TOP1MT: variants seen among roughly 807,000 people sequenced by gnomAD.
TOP1MT encodes DNA topoisomerase I mitochondrial, also known as DNA topoisomerase I, mitochondrial.
TOP1MT carries 80 observed loss-of-function variants against 73.9 expected under a neutral mutation model. The observed-to-expected ratio is 1.08, with a 90% CI of 0.90 to 1.30. TOP1MT has a LOEUF of 1.30. Among genes scored for constraint, TOP1MT ranks in the 50% most tolerant of loss-of-function variants. The pLI, the probability that TOP1MT is intolerant of heterozygous loss-of-function variation, is 0.00. For missense variants in TOP1MT, 815 were observed against 808.0 expected (o/e 1.01, Z -0.10); for synonymous variants, 338 against 326.4 (o/e 1.04, Z -0.38).
intron 1 of TOP1MT, among the ~76,000 whole-genome samples, chr8:143,354,572 C>T (rs1817375798): frequency 1.3e-5 from 2 of 152,016 alleles, no homozygotes; most frequent in Non-Finnish European, 2.9e-5. Flanking sequence ...ATTAGCCAGG[C>T]GTGGTGGTGC....
upstream of TOP1MT, among the ~76,000 whole-genome samples, chr8:143,356,244 C>T (rs1256570177): frequency 6.6e-6 from 1 of 152,218 alleles, no homozygotes; most frequent in Non-Finnish European, 1.5e-5. Flanking sequence ...TCAACCAAAG[C>T]CTGGCAGCAG....
At chr8:143,322,579 CAT>C (rs1563759599) in intron 7 of TOP1MT, among the ~76,000 whole-genome samples, 10 of 137,544 alleles carry the variant, frequency 7.3e-5, no homozygotes, top group South Asian at 4.7e-4. Context: ...ACGCCACACA[CAT>C]GCACGCCACA....
chr8:143,310,095 T>G lies in TOP1MT; in HGVS notation c.1676A>C (p.Tyr559Ser), dbSNP rs945686078. Residue 559 changes from tyrosine (Y) to serine (S), a missense_variant, in exon 13 of 14, where the codon TAC (tyrosine) becomes TCC (serine). Physicochemically the swap from Tyr to Ser is moderately radical, Grantham distance 144. Transcript: ENST00000329245. ...QVALGTSKLNYLDPRISIAWC... is the reference protein window; with the variant it reads ...QVALGTSKLNSLDPRISIAWC... ...GGCAATGCTGATCCTGGGGTCCAGGTAGTTGAGCTTGGACGTGCCCAGGGC... is the reference window on the plus strand; with the variant it reads ...GGCAATGCTGATCCTGGGGTCCAGGGAGTTGAGCTTGGACGTGCCCAGGGC... 2 of 1,613,368 alleles carry G rather than the reference T, an allele frequency of 1.2e-6. No individual in the cohort carries two copies. The highest frequency in any genetic ancestry group is 1.6e-4 in the Middle Eastern group (1 of 6,062).
At chr8:143,335,804 G>A (rs914976138), upstream of TOP1MT, among the ~76,000 whole-genome samples, 5 of 152,234 alleles carry the variant, frequency 3.3e-5, no homozygotes, top group Non-Finnish European at 5.9e-5. Context: ...GCCACCGCAC[G>A]CCCTCAGCGA....
rs779411382 is a variant in TOP1MT, at chr8:143,309,454, T to C, written c.1793A>G (p.Asp598Gly). ...FAWALAMAGE[D>G]FEF is the part of the protein sequence containing the mutation. ...CACGGCTCGTCGTTAGAATTCAAAG[T>C]CTTCTCCTGCCATGGCGAGAGCCCA... Residue 598 changes from aspartate (D) to glycine (G), a missense_variant, in exon 14 of 14, where the codon GAC becomes GGC. Around this residue, in one of 3 missense-constraint regions of TOP1MT, gnomAD observed 751 missense variants for 725.4 expected, o/e 1.04. Coordinates refer to ENST00000329245, the MANE Select transcript of TOP1MT (RefSeq NM_052963.3). The C allele has an allele frequency of 4.5e-5, 73 of 1,613,726 alleles. No individual in the cohort carries two copies. The East Asian group carries it at 1.6e-3, about 34-fold the overall frequency.
chr8:143,326,216 C>T lies in TOP1MT; in HGVS notation c.483+6G>A, dbSNP rs181984053. On this transcript the variant is annotated splice_donor_region_variant and intron_variant, in intron 4 of 13. Coordinates refer to ENST00000329245, the MANE Select transcript of TOP1MT (RefSeq NM_052963.3). The stretch of plus-strand genomic sequence containing the variant: ...TCAGGTCACACAACGCTCGAGGCAG[C>T]CCAACCTGCTTCTCCTCCCTGCTCA... The T allele has an allele frequency of 3.2e-5, 52 of 1,613,580 alleles. No individual in the cohort carries two copies. The East Asian group carries it at 1.1e-3, about 34-fold the overall frequency.
chr8:143,357,650 G>A (rs986907660), upstream of TOP1MT, among the ~76,000 whole-genome samples: 7 of 152,138 alleles, frequency 4.6e-5, no homozygotes, highest in Admixed American at 1.3e-4. Flanking sequence ...GGCCAAGTGC[G>A]GTGGCTCACG....
chr8:143,319,723 C>A (rs538956756), intron 8 of TOP1MT, among the ~76,000 whole-genome samples: 16 of 152,262 alleles, frequency 1.1e-4, no homozygotes, highest in African/African-American at 3.9e-4. Flanking sequence ...AGCCACTAGT[C>A]CCTGCAGCAG....
At position 143,318,127 on chromosome 8, in the gene TOP1MT, C is replaced by T. The variant is rs1177993114; in HGVS notation, c.1147-41G>A. 3.1e-6 allele frequency: 5 copies of T among 1,596,930 alleles called. No homozygotes were observed. The South Asian group carries it at 3.3e-5, about 11-fold the overall frequency. ...GGAATTTCAGAGGACAGAAAAAACC[C>T]GAATCCAGTGAGGACCTGAAGGGCG... On this transcript the variant is annotated intron_variant, in intron 8 of 13. Transcript: ENST00000329245.
chr8:143,338,561 C>T (rs975130943), upstream of TOP1MT, among the ~76,000 whole-genome samples: 1 of 148,380 alleles, frequency 6.7e-6, no homozygotes, highest in Admixed American at 6.7e-5. Flanking sequence ...AATGAGACTC[C>T]GTCTCAAAAA....
chr8:143,322,629 GTCACACACA>G (rs1816495975), intron 7 of TOP1MT, among the ~76,000 whole-genome samples: 1 of 39,558 alleles, frequency 2.5e-5, no homozygotes, highest in Non-Finnish European at 4.9e-5. Context: ...ACACAGGCAC[GTCACACACA>G]CACGCCACAC....
upstream of TOP1MT, among the ~76,000 whole-genome samples, chr8:143,338,929 G>C (rs953336489): frequency 6.6e-6 from 1 of 152,218 alleles, no homozygotes; most frequent in Non-Finnish European, 1.5e-5. Context: ...CCAAGGGAGC[G>C]GGGACAGGGC....
intron 2 of TOP1MT, among the ~76,000 whole-genome samples, chr8:143,340,859 C>T (rs192810403): frequency 7.5e-4 from 114 of 152,326 alleles, no homozygotes; most frequent in Middle Eastern, 3.4e-3. Flanking sequence ...TTTTCCCACC[C>T]ACACTTCTTT....
chr8:143,322,638 A>AGG (rs1404839474), intron 7 of TOP1MT, among the ~76,000 whole-genome samples: 1 of 41,114 alleles, frequency 2.4e-5, no homozygotes, highest in Non-Finnish European at 5.3e-5. Flanking sequence ...CGTCACACAC[A>AGG]CACGCCACAC....
chr8:143,355,592 T>G (rs567241330), intron 1 of TOP1MT, among the ~76,000 whole-genome samples: 1 of 152,284 alleles, frequency 6.6e-6, no homozygotes, highest in East Asian at 1.9e-4. Context: ...ACACTGGTTG[T>G]TAACCACAGT....
rs780848587 is a variant in TOP1MT, at chr8:143,321,306, G to A, written c.1041C>T (p.His347=). The change falls in exon 8 of 14, where the codon CAC becomes CAT. Residue 347 remains histidine, a synonymous_variant. Transcript: ENST00000329245. Reference sequence around the variant, plus strand: ...CATCGGCCTCCGGGTGCAGCTGGACGTGCTCCACGCGGAGGGAACAGCAGC... The same window carrying A: ...CATCGGCCTCCGGGTGCAGCTGGACATGCTCCACGCGGAGGGAACAGCAGC... ...TVGCCSLRVE[H]VQLHPEADGC... 8.1e-6 allele frequency: 13 copies of A among 1,612,352 alleles called. No individual in the cohort carries two copies. The East Asian group carries it at 1.3e-4, about 17-fold the overall frequency.
At chr8:143,332,911 G>A (rs1816898926) in intron 1 of TOP1MT, among the ~76,000 whole-genome samples, 1 of 152,092 alleles carries the variant, frequency 6.6e-6, no homozygotes, top group Non-Finnish European at 1.5e-5. Flanking sequence ...GGGGAGAGGG[G>A]GGTTCTGCTG....
rs761903901 is a variant in TOP1MT, at chr8:143,318,043, CGG to C, written c.1188_1189del (p.Arg397GlyfsTer54). On this transcript the variant is annotated frameshift_variant, in exon 9 of 14. Coordinates refer to ENST00000329245, the MANE Select transcript of TOP1MT (RefSeq NM_052963.3). LOFTEE classifies it high-confidence loss of function. The stretch of plus-strand genomic sequence containing the variant: ...GGTCAGCCTGTCGAAGAGGTCGTCC[CGG>C]GGGTCCTTGTTCTCCATAAAGAGCT... 1.9e-6 allele frequency: 3 copies of C among 1,613,986 alleles called. No homozygotes were observed. In the East Asian group the frequency reaches 6.7e-5, roughly 36 times the overall value.
At chr8:143,342,594 GAC>G (rs1178626390) in intron 2 of TOP1MT, among the ~76,000 whole-genome samples, 1 of 99,104 alleles carries the variant, frequency 1.0e-5, no homozygotes, top group Non-Finnish European at 1.9e-5. Context: ...TATTATTAGA[GAC>G]AGAGTCTCGC....
Sources: allele counts gnomAD v4.1 joint callset (sites outside exome capture counted in the v4.1 genomes callset), GRCh38; gene constraint gnomAD v4.1.1; regional missense constraint gnomAD v4.1.1; transcripts MANE v1.5; gene names NCBI Gene and HGNC (gene_info 2026-07-23, HGNC 2026-07-21).